The following SUGCT variants were observed in gnomAD, a reference collection of about 807,000 sequenced individuals.
The protein encoded by SUGCT is succinyl-CoA:glutarate-CoA transferase, also known as succinyl-CoA:glutarate CoA-transferase.
Under a neutral mutation model 55.0 loss-of-function variants are expected in SUGCT, and 41 were observed. The ratio of observed to expected loss-of-function variants is 0.74; its 90% confidence interval spans 0.58 to 0.97. The LOEUF is 0.97. Among genes scored for constraint, SUGCT ranks in the 50% least tolerant of loss-of-function variants. The pLI, the probability that SUGCT is intolerant of heterozygous loss-of-function variation, is 0.00. For synonymous variants in SUGCT, 187 were observed against 200.4 expected, an observed-to-expected ratio of 0.93 and a Z score of 0.56; for missense variants, 568 against 547.8, an observed-to-expected ratio of 1.04 and a Z score of -0.37.
intron 12 of SUGCT, among the ~76,000 whole-genome samples, chr7:40,737,454 T>C (rs572364486): frequency 1.3e-4 from 20 of 152,332 alleles, no homozygotes; most frequent in African/African-American, 4.6e-4. Context: ...ATGTCTATTA[T>C]TTTTTCAAAT....
the SUGCT span, among the ~76,000 whole-genome samples, chr7:41,023,823 T>TTCA: frequency 6.6e-6 from 1 of 152,218 alleles, no homozygotes; most frequent in African/African-American, 2.4e-5. Context: ...TGAAAAGATT[T>TTCA]TCATTAGGAA....
the SUGCT span, among the ~76,000 whole-genome samples, chr7:40,949,681 A>C: frequency 6.6e-6 from 1 of 152,220 alleles, no homozygotes; most frequent in South Asian, 2.1e-4. Context: ...ATGGCTAGCC[A>C]GTTTTCCCAA....
intron 9 of SUGCT, among the ~76,000 whole-genome samples, chr7:40,415,320 G>A (rs1425523446): frequency 2.0e-5 from 3 of 149,220 alleles, no homozygotes; most frequent in Non-Finnish European, 4.4e-5. Flanking sequence ...AAAATGCATA[G>A]CAATGCTATT....
intron 13 of SUGCT, among the ~76,000 whole-genome samples, chr7:40,836,703 C>G (rs1277868754): frequency 1.3e-5 from 2 of 152,156 alleles, no homozygotes; most frequent in African/African-American, 4.8e-5. Flanking sequence ...TTGATTTATA[C>G]TGCACGTAAC....
chr7:41,014,659 C>G, the SUGCT span, among the ~76,000 whole-genome samples: 1 of 152,082 alleles, frequency 6.6e-6, no homozygotes, highest in African/African-American at 2.4e-5. Context: ...AACAATGAGC[C>G]AAGTCGTCAG....
intron 8 of SUGCT, among the ~76,000 whole-genome samples, chr7:40,283,766 T>C (rs1793126945): frequency 6.6e-6 from 1 of 151,768 alleles, no homozygotes; most frequent in Admixed American, 6.6e-5. Context: ...AGTATGGGGG[T>C]TCCTCAAAAG....
At chr7:40,324,453 A>AACC (rs1795925097) in intron 9 of SUGCT, among the ~76,000 whole-genome samples, 1 of 151,542 alleles carries the variant, frequency 6.6e-6, no homozygotes, top group Non-Finnish European at 1.5e-5. Context: ...ATGGGGTTTC[A>AACC]CCATGTTTGC....
At chr7:40,306,549 G>C (rs1794862065) in intron 8 of SUGCT, among the ~76,000 whole-genome samples, 1 of 152,138 alleles carries the variant, frequency 6.6e-6, no homozygotes. Context: ...ATAAACACAA[G>C]TAAGTTTCAT....
At chr7:40,803,325 G>A (rs968925195) in intron 13 of SUGCT, among the ~76,000 whole-genome samples, 6 of 152,108 alleles carry the variant, frequency 3.9e-5, no homozygotes, top group African/African-American at 1.4e-4. Flanking sequence ...CATGGATATT[G>A]TTCCATTTTA....
the SUGCT span, among the ~76,000 whole-genome samples, chr7:40,999,296 C>T: frequency 6.9e-6 from 1 of 145,672 alleles, no homozygotes; most frequent in Non-Finnish European, 1.5e-5. Context: ...GATGAAAAGA[C>T]TTGACAAACA....
At chr7:40,459,869 A>T (rs1168533707) in intron 11 of SUGCT, among the ~76,000 whole-genome samples, 1 of 152,148 alleles carries the variant, frequency 6.6e-6, no homozygotes, top group Non-Finnish European at 1.5e-5. Flanking sequence ...TGAAGAAAAT[A>T]ATTATTCTTA....
chr7:40,590,789 T>A (rs1427759923), intron 12 of SUGCT, among the ~76,000 whole-genome samples: 2 of 152,214 alleles, frequency 1.3e-5, no homozygotes, highest in Non-Finnish European at 2.9e-5. Context: ...TTAGGAATTA[T>A]GTCAAATCTA....
chr7:40,575,187 C>T (rs1285990203), intron 12 of SUGCT, among the ~76,000 whole-genome samples: 1 of 151,880 alleles, frequency 6.6e-6, no homozygotes, highest in African/African-American at 2.4e-5. Flanking sequence ...CAAACATACC[C>T]CTCCAAAAGT....
chr7:40,957,053 T>C, the SUGCT span, among the ~76,000 whole-genome samples: 2 of 152,214 alleles, frequency 1.3e-5, no homozygotes, highest in Admixed American at 6.5e-5. Context: ...TGGTTAATTT[T>C]AGAATAAGTT....
At chr7:40,207,796 A>G (rs1175004011) in intron 6 of SUGCT, among the ~76,000 whole-genome samples, 2 of 150,236 alleles carry the variant, frequency 1.3e-5, no homozygotes, top group Non-Finnish European at 3.0e-5. Context: ...CTCCATCTCA[A>G]AAAAAAAAAA....
At chr7:40,329,371 T>C (rs576359884) in intron 9 of SUGCT, among the ~76,000 whole-genome samples, 90 of 152,266 alleles carry the variant, frequency 5.9e-4, no homozygotes, top group Admixed American at 1.8e-3. Flanking sequence ...TAAGTTTGCT[T>C]CTGGCATTTA....
chr7:40,479,613 A>G (rs949984128), intron 11 of SUGCT, among the ~76,000 whole-genome samples: 1 of 152,182 alleles, frequency 6.6e-6, no homozygotes, highest in African/African-American at 2.4e-5. Context: ...CCTGTTTGTC[A>G]AAATGGCTGT....
In SUGCT at chr7:40,323,787, C is replaced by G. The variant is rs139467013; in HGVS notation, c.816+6932C>G. On this transcript the variant is annotated intron_variant, in intron 9 of 13. Coordinates refer to ENST00000335693, the MANE Select transcript of SUGCT (RefSeq NM_001193313.2). ...ACTTAATAGTTCATCTATTCCTGGC[C>G]TGCAGTCAAGTGGTGGATATGGCCA... is the stretch of plus-strand genomic sequence containing the variant. Among the ~76,000 whole-genome samples, 609 of 152,298 alleles carry G rather than the reference C, an allele frequency of 4.0e-3. 3 individuals carry two copies. The highest frequency in any genetic ancestry group is 0.013 in the African/African-American group (556 of 41,572).
In SUGCT at chr7:40,135,015, C is replaced by T. The variant is rs202171580; in HGVS notation, c.-6C>T. 1.8e-4 allele frequency: 284 copies of T among 1,559,032 alleles called. 1 individual carries two copies. Among genetic ancestry groups the T allele is most frequent in the Non-Finnish European group, 1.9e-4 (222 of 1,153,378 alleles). ...ACCGGGACCGATGCCATCTGAGACGCACGCGATGCTGGCGACGCTGGCGAG... is the reference window on the plus strand; with the variant it reads ...ACCGGGACCGATGCCATCTGAGACGTACGCGATGCTGGCGACGCTGGCGAG... On this transcript the variant is annotated 5_prime_UTR_variant, in exon 1 of 14. Coordinates refer to ENST00000335693, the MANE Select transcript of SUGCT (RefSeq NM_001193313.2).
Sources: allele counts gnomAD v4.1 joint callset (sites outside exome capture counted in the v4.1 genomes callset), GRCh38; gene constraint gnomAD v4.1.1; transcripts MANE v1.5; gene names NCBI Gene and HGNC (gene_info 2026-07-23, HGNC 2026-07-21).